Variants in DMWD observed in about 807,000 individuals in gnomAD.
The protein encoded by DMWD is dystrophia myotonica WD repeat-containing protein.
A neutral mutation model predicts 45.8 loss-of-function variants in DMWD; 19 were observed. That is an observed-to-expected ratio of 0.41 (90% CI 0.29 to 0.61). The LOEUF (loss-of-function observed/expected upper bound fraction) is 0.61. Among genes scored for constraint, DMWD ranks in the 20% least tolerant of loss-of-function variants. The pLI, the probability that DMWD is intolerant of heterozygous loss-of-function variation, is 0.25. For missense variants in DMWD, 802 were observed against 965.2 expected, an observed-to-expected ratio of 0.83 and a Z score of 2.24; for synonymous variants, 515 against 440.5, an observed-to-expected ratio of 1.17 and a Z score of -2.12.
intron 2 of DMWD, among the ~76,000 whole-genome samples, chr19:45,788,544 C>T (rs1970313081): frequency 6.6e-6 from 1 of 152,214 alleles, no homozygotes; most frequent in Non-Finnish European, 1.5e-5. Context: ...TTTCTTGGAA[C>T]TCATCTACCA....
chr19:45,787,129 T>C, intron 2 of DMWD: 1 of 596,010 alleles, frequency 1.7e-6, no homozygotes. Flanking sequence ...TGTCCCATCT[T>C]TGGCGAGGGG....
rs184310787 is a variant in DMWD, at chr19:45,784,676, T to C, written c.1942A>G (p.Ser648Gly). ...EETEAQTGEG[S>G]WPRSPSKSVV... The stretch of plus-strand genomic sequence containing the variant: ...GACTTGCTGGGTGACCTGGGCCAAC[T>C]TCCTTCCCCTGTCTGGGCCTCGGTC... The change falls in exon 4 of 5, where the codon AGT becomes GGT. Residue 648 changes from serine (S) to glycine (G), a missense_variant. This residue lies in a region of DMWD where 303 missense variants were observed against 332.9 expected (regional missense o/e 0.91). Transcript: ENST00000270223. 3.1e-6 allele frequency: 5 copies of C among 1,613,618 alleles called. No homozygotes were observed. The highest frequency in any genetic ancestry group is 2.2e-5 in the East Asian group (1 of 44,870).
In DMWD at chr19:45,783,489, C is replaced by G. The variant is rs1006512348; in HGVS notation, c.*754G>C. On this transcript the variant is annotated 3_prime_UTR_variant, in exon 5 of 5. Transcript: ENST00000270223. ...GGACTTTGATGAGGGGCCCTGGCTG[C>G]GGGCAGGATGCTCTTCTCCCCAAGA... The G allele has an allele frequency of 2.5e-6, 1 of 398,200 alleles. No homozygotes were observed. Among genetic ancestry groups the G allele is most frequent in the African/African-American group, 2.1e-5 (1 of 48,600 alleles). The allele number at this position is 398,200 out of a possible 1,614,324, so 24.7% of individuals were successfully genotyped here. A position where few individuals can be genotyped will look rare whatever the true frequency, so the allele number is the denominator to read the frequency against.
At position 45,792,802 on chromosome 19, in the gene DMWD, GC is replaced by G; in HGVS notation, c.-47del. 1 of 1,090,162 alleles carries G rather than the reference GC, an allele frequency of 9.2e-7. No individual in the cohort carries two copies. The highest frequency in any genetic ancestry group is 1.1e-6 in the Non-Finnish European group (1 of 898,216). 67.5% of individuals were successfully genotyped at this position (1,090,162 alleles called of 1,614,324 possible). A position where few individuals can be genotyped will look rare whatever the true frequency, so the allele number is the denominator to read the frequency against. ...CGCCACTGCCGGACTGCCGCCCGCA[GC>G]CGGGCCCCCTCCCGGAAGCCGCTGG... On this transcript the variant is annotated 5_prime_UTR_variant, in exon 1 of 5. Coordinates refer to ENST00000270223, the MANE Select transcript of DMWD (RefSeq NM_004943.2).
chr19:45,784,565 A>G, intron 4 of DMWD, 76 bp downstream of exon 4: 5 of 1,032,248 alleles, frequency 4.8e-6, no homozygotes, highest in East Asian at 4.1e-5. Flanking sequence ...GTGGGAGGGG[A>G]GGGGGAAACT....
chr19:45,783,397 G>A lies in DMWD; in HGVS notation c.*846C>T, dbSNP rs1235670618. Reference sequence around the variant, plus strand: ...GAGAAACTAGGAGGCAAGGACCGAGGAGTCCCAGCTGGGCAGGGCCTGGGA... The same window carrying A: ...GAGAAACTAGGAGGCAAGGACCGAGAAGTCCCAGCTGGGCAGGGCCTGGGA... On this transcript the variant is annotated 3_prime_UTR_variant, in exon 5 of 5. Transcript: ENST00000270223. 2 of 394,830 alleles carry A rather than the reference G, an allele frequency of 5.1e-6. No individual in the cohort carries two copies. Among genetic ancestry groups the A allele is most frequent in the Admixed American group, 4.4e-5 (1 of 22,562 alleles). The allele number at this position is 394,830 out of a possible 1,614,324, so 24.5% of individuals were successfully genotyped here.
chr19:45,785,609 G>A lies in DMWD; in HGVS notation c.1887C>T (p.Ala629=). ...ACQEGLICTW[A]RPGKAFTDEE... is the part of the protein sequence containing the mutation. ...GGCCACTCACCGCCTTGCCCGGCCG[G>A]GCCCAGGTGCAGATGAGGCCCTCCT... The change falls in exon 3 of 5, where the codon GCC becomes GCT. Residue 629 remains alanine (A), a synonymous_variant. Coordinates refer to ENST00000270223, the MANE Select transcript of DMWD (RefSeq NM_004943.2). 2 of 1,502,110 alleles carry A rather than the reference G, an allele frequency of 1.3e-6. No individual in the cohort carries two copies. Among genetic ancestry groups the A allele is most frequent in the Non-Finnish European group, 1.8e-6 (2 of 1,122,826 alleles). 93.0% of individuals were successfully genotyped at this position (1,502,110 alleles called of 1,614,324 possible). A position where few individuals can be genotyped will look rare whatever the true frequency, so the allele number is the denominator to read the frequency against.
chr19:45,785,726 C>G lies in DMWD; in HGVS notation c.1770G>C (p.Val590=), dbSNP rs749499836. 6.2e-7 allele frequency: 1 copy of G among 1,606,410 alleles called. No individual in the cohort carries two copies. Among genetic ancestry groups the G allele is most frequent in the Non-Finnish European group, 8.5e-7 (1 of 1,175,416 alleles). Residue 590 remains valine, a synonymous_variant, in exon 3 of 5, where the codon GTG becomes GTC. Coordinates refer to ENST00000270223, the MANE Select transcript of DMWD (RefSeq NM_004943.2). ...GTALCPRIHE[V]PLLEPLVCKK... ...TGCACACAAGGGGCTCCAGCAGGGG[C>G]ACCTCGTGGATGCGCGGGCACAGCG...
At chr19:45,788,929 A>AG (rs1368167542) in intron 2 of DMWD, among the ~76,000 whole-genome samples, 1 of 145,292 alleles carries the variant, frequency 6.9e-6, no homozygotes, top group Non-Finnish European at 1.5e-5. Flanking sequence ...ACCCTATCTC[A>AG]GGAAAAAAAA....
Position 45,792,492 on chromosome 19 carries a change from G to A in DMWD, c.265C>T (p.Pro89Ser). ...CTGAGGCGCACGGCGGGCAGGGCGG[G>A]CCCGGGTCCGGGGCCTGCGGGCGGC... ...SPPPAGPGPG[P>S]ALPAVRLSLV... Residue 89 changes from proline to serine, a missense_variant, in exon 1 of 5, where the codon CCC becomes TCC. By Grantham distance (74) the Pro-to-Ser change is moderately conservative. This residue lies in a region of DMWD where 5 missense variants were observed against 21.2 expected (regional missense o/e 0.24). Transcript: ENST00000270223. The A allele has an allele frequency of 1.2e-5, 14 of 1,185,692 alleles. No individual in the cohort carries two copies. Among genetic ancestry groups the A allele is most frequent in the Non-Finnish European group, 1.5e-5 (14 of 953,826 alleles). 73.4% of individuals were successfully genotyped at this position (1,185,692 alleles called of 1,614,324 possible).
At chr19:45,784,363 A>G in intron 4 of DMWD, 73 bp from the exon 5 acceptor site, 1 of 1,442,706 alleles carries the variant, frequency 6.9e-7, no homozygotes, top group Non-Finnish European at 9.3e-7. Context: ...AAGGGGAGGG[A>G]GCCAGCCCAG....
Position 45,785,677 on chromosome 19 carries a change from T to A in DMWD, c.1819A>T (p.Thr607Ser), listed in dbSNP as rs765980263. ...CAGTCCTCCAGGAACAGGAGGACTGTGAGCCGCTCCTGGGCGATCTTCTTG... is the reference window on the plus strand; with the variant it reads ...CAGTCCTCCAGGAACAGGAGGACTGAGAGCCGCTCCTGGGCGATCTTCTTG... ...VCKKIAQERL[T>S]VLLFLEDCII... Residue 607 changes from threonine to serine, a missense_variant, in exon 3 of 5, where the codon ACA (threonine) becomes TCA (serine). This residue lies in a region of DMWD where 303 missense variants were observed against 332.9 expected (regional missense o/e 0.91). Transcript: ENST00000270223. The A allele has an allele frequency of 6.3e-7, 1 of 1,593,644 alleles. No homozygotes were observed. The highest frequency in any genetic ancestry group is 8.6e-7 in the Non-Finnish European group (1 of 1,167,116).
intron 2 of DMWD, 37 bp from the exon 3 acceptor site, chr19:45,786,908 G>GT (rs1377216971): frequency 6.3e-7 from 1 of 1,590,510 alleles, no homozygotes; most frequent in East Asian, 2.3e-5. Flanking sequence ...GGAGAAGGCA[G>GT]TAAAACCCAG....
chr19:45,792,838 G>C lies in DMWD; in HGVS notation c.-82C>G. On this transcript the variant is annotated 5_prime_UTR_variant, in exon 1 of 5. Transcript: ENST00000270223. ...TCCCGGAAGCCGCTGGCCCGCGCCG[G>C]AAAAGGTGGGGTCGTCGCCCGGGCA... 1.9e-6 allele frequency: 2 copies of C among 1,055,682 alleles called. No homozygotes were observed. The highest frequency in any genetic ancestry group is 7.6e-5 in the East Asian group (1 of 13,114). The allele number at this position is 1,055,682 out of a possible 1,614,324, so 65.4% of individuals were successfully genotyped here.
At position 45,792,306 on chromosome 19, in the gene DMWD, G is replaced by A. The variant is rs1970365233; in HGVS notation, c.441+10C>T. 2.5e-6 allele frequency: 4 copies of A among 1,604,172 alleles called. No individual in the cohort carries two copies. Among genetic ancestry groups the A allele is most frequent in the Admixed American group, 1.7e-5 (1 of 59,408 alleles). ...TCAGCACCCAGGGCCCCACGATGCA[G>A]GCCGCTCACCCGTTGGCTCCCACGA... On this transcript the variant is annotated intron_variant, in intron 1 of 4. Coordinates refer to ENST00000270223, the MANE Select transcript of DMWD (RefSeq NM_004943.2).
chr19:45,786,014 G>T lies in DMWD; in HGVS notation c.1482C>A (p.Asn494Lys). 1 of 1,561,050 alleles carries T rather than the reference G, an allele frequency of 6.4e-7. No individual in the cohort carries two copies. The highest frequency in any genetic ancestry group is 8.7e-7 in the Non-Finnish European group (1 of 1,154,156). The change falls in exon 3 of 5, where the codon AAC becomes AAA. Residue 494 changes from asparagine (N) to lysine (K), a missense_variant. Asn to Lys is a moderately conservative substitution (Grantham distance 94). Transcript: ENST00000270223. ...CCCCGCCAGCTGGGTGCGGGAGACT[G>T]TTGGAGCGGGACAGCGAGCGAGGCA... The part of the protein sequence containing the change: ...GPLPRSLSRS[N>K]SLPHPAGGGK...
rs766449788 is a variant in DMWD, at chr19:45,784,117, G to A, written c.*126C>T. On this transcript the variant is annotated 3_prime_UTR_variant, in exon 5 of 5. Transcript: ENST00000270223. Reference sequence around the variant, plus strand: ...GGGGGCCCCCAAATTTTGTGCAGGTGGGGGGACTGGAGCAGTCCATCCATC... The same window carrying A: ...GGGGGCCCCCAAATTTTGTGCAGGTAGGGGGACTGGAGCAGTCCATCCATC... 3.3e-5 allele frequency: 28 copies of A among 851,378 alleles called. No individual in the cohort carries two copies. Among genetic ancestry groups the A allele is most frequent in the African/African-American group, 2.5e-4 (15 of 59,334 alleles). 52.7% of individuals were successfully genotyped at this position (851,378 alleles called of 1,614,324 possible).
rs757777335 is a variant in DMWD, at chr19:45,792,219, T to C, written c.441+97A>G. The stretch of plus-strand genomic sequence containing the variant: ...CAACGTCCATCACATTTAGAATGCC[T>C]ATCTCAGGGCCCCATATCAATTCGG... On this transcript the variant is annotated intron_variant, in intron 1 of 4. Coordinates refer to ENST00000270223, the MANE Select transcript of DMWD (RefSeq NM_004943.2). 95 of 1,447,878 alleles carry C rather than the reference T, an allele frequency of 6.6e-5. No individual in the cohort carries two copies. In the Admixed American group the frequency reaches 8.1e-4, roughly 12 times the overall value. 89.7% of individuals were successfully genotyped at this position (1,447,878 alleles called of 1,614,324 possible).
At chr19:45,784,509 A>G (rs1970241955) in intron 4 of DMWD, 132 bp downstream of exon 4, 4 of 1,463,562 alleles carry the variant, frequency 2.7e-6, no homozygotes, top group Non-Finnish European at 3.7e-6. Flanking sequence ...CGCAATAATC[A>G]AAGTCCTTGG....
Sources: allele counts gnomAD v4.1 joint callset (sites outside exome capture counted in the v4.1 genomes callset), GRCh38; gene constraint gnomAD v4.1.1; regional missense constraint gnomAD v4.1.1; transcripts MANE v1.5; gene names NCBI Gene and HGNC (gene_info 2026-07-23, HGNC 2026-07-21).